Variants in EDDM13 observed in about 807,000 individuals in gnomAD.
EDDM13 encodes epididymal protein 13.
In EDDM13, 24 loss-of-function variants were observed where a neutral mutation model predicts 17.8. The observed-to-expected ratio is 1.35, with a 90% CI of 0.98 to 1.90. The LOEUF (loss-of-function observed/expected upper bound fraction) is 1.90. Among genes scored for constraint, EDDM13 ranks in the 40% most tolerant of loss-of-function variants. EDDM13 has a pLI of 0.00. For missense variants in EDDM13, 97 were observed against 100.8 expected, an observed-to-expected ratio of 0.96 and a Z score of 0.16; for synonymous variants, 31 against 37.5, an observed-to-expected ratio of 0.83 and a Z score of 0.63.
At chr19:56,293,816 T>A (rs565701475) in intron 9 of EDDM13, among the ~76,000 whole-genome samples, 1 of 152,094 alleles carries the variant, frequency 6.6e-6, no homozygotes, top group African/African-American at 2.4e-5. Context: ...GAGATGTTGC[T>A]ACACATCCTA....
intron 5 of EDDM13, among the ~76,000 whole-genome samples, chr19:56,284,600 T>C (rs2038967481): frequency 6.8e-6 from 1 of 147,912 alleles, no homozygotes; most frequent in Non-Finnish European, 1.5e-5. Flanking sequence ...CTGCAGCCTC[T>C]GCCTCCCGGG....
At chr19:56,281,320 T>C (rs2038683087) in intron 2 of EDDM13, among the ~76,000 whole-genome samples, 1 of 151,748 alleles carries the variant, frequency 6.6e-6, no homozygotes, top group South Asian at 2.1e-4. Flanking sequence ...TGTAACCATG[T>C]AGTTCAAACC....
intron 5 of EDDM13, 137 bp downstream of exon 5, chr19:56,284,343 A>G (rs1413106943): frequency 4.7e-6 from 1 of 211,284 alleles, no homozygotes; most frequent in Non-Finnish European, 8.2e-6. Flanking sequence ...ATATGGTGCA[A>G]GGATTTTGTG....
chr19:56,285,846 T>A (rs1288309852), intron 6 of EDDM13, among the ~76,000 whole-genome samples: 1 of 152,176 alleles, frequency 6.6e-6, no homozygotes, highest in Non-Finnish European at 1.5e-5. Context: ...TATCCAGTCA[T>A]TGCTTTTTTA....
In EDDM13 at chr19:56,282,151, C is replaced by T. The variant is rs553645853; in HGVS notation, c.110-340C>T. Among the ~76,000 whole-genome samples the T allele has an allele frequency of 1.1e-3, 173 of 152,206 alleles. 1 individual carries two copies. Among genetic ancestry groups the T allele is most frequent in the African/African-American group, 3.7e-3 (155 of 41,520 alleles). ...CGTCTTCCTTTCCCAGAATTAACAT[C>T]CAGTCTCCGGTTGAGAAGTGGAGAT... is the stretch of plus-strand genomic sequence containing the variant. On this transcript the variant is annotated intron_variant, in intron 3 of 14. Transcript: ENST00000649256.
intron 2 of EDDM13, among the ~76,000 whole-genome samples, chr19:56,279,557 CG>C (rs1411213803): frequency 6.6e-6 from 1 of 152,170 alleles, no homozygotes; most frequent in Admixed American, 6.5e-5. Flanking sequence ...TTTTCAAAAT[CG>C]TAAGTGTCCC....
chr19:56,282,299 AG>A (rs1406251049), intron 3 of EDDM13, among the ~76,000 whole-genome samples, 191 bp from the exon 4 acceptor site: 2 of 152,180 alleles, frequency 1.3e-5, no homozygotes, highest in Non-Finnish European at 2.9e-5. Flanking sequence ...GTGCCTCCAA[AG>A]GGGTCCAATG....
At chr19:56,288,227 C>T (rs1287038897) in intron 6 of EDDM13, among the ~76,000 whole-genome samples, 158 bp from the exon 7 acceptor site, 2 of 152,204 alleles carry the variant, frequency 1.3e-5, no homozygotes, top group African/African-American at 4.8e-5. Context: ...ACCATGATCA[C>T]CTACCATCAT....
intron 6 of EDDM13, among the ~76,000 whole-genome samples, chr19:56,287,404 GC>G (rs2039205842): frequency 6.6e-6 from 1 of 151,814 alleles, no homozygotes; most frequent in Admixed American, 6.6e-5. Flanking sequence ...TTCCCTTCCC[GC>G]CTCTCCTCCC....
intron 2 of EDDM13, among the ~76,000 whole-genome samples, chr19:56,281,009 G>A (rs1028493471): frequency 3.9e-5 from 6 of 152,118 alleles, no homozygotes; most frequent in African/African-American, 1.2e-4. Flanking sequence ...ACTTAACTAC[G>A]AATAGCCTAC....
chr19:56,291,075 G>A (rs2039478409), intron 9 of EDDM13, among the ~76,000 whole-genome samples: 1 of 152,186 alleles, frequency 6.6e-6, no homozygotes, highest in South Asian at 2.1e-4. Context: ...GGTGGGTCTG[G>A]GGCTACATGC....
intron 14 of EDDM13, among the ~76,000 whole-genome samples, chr19:56,308,270 G>A (rs1317297866): frequency 6.6e-6 from 1 of 151,848 alleles, no homozygotes; most frequent in Non-Finnish European, 1.5e-5. Context: ...TTGACCTTGT[G>A]ATCCGCCCGC....
At chr19:56,278,624 A>G (rs187540998) in intron 2 of EDDM13, among the ~76,000 whole-genome samples, 70 of 152,280 alleles carry the variant, frequency 4.6e-4, no homozygotes, top group Non-Finnish European at 7.2e-4. Context: ...TTCTTAGGGG[A>G]ATTAGCTCAC....
At chr19:56,305,451 T>C (rs1435703338) in intron 14 of EDDM13, among the ~76,000 whole-genome samples, 3 of 152,242 alleles carry the variant, frequency 2.0e-5, no homozygotes, top group Non-Finnish European at 2.9e-5. Context: ...CTCCACGGCA[T>C]GGACATAGCA....
chr19:56,302,605 TCCTCTCCCTCTTCCTC>T (rs1568726872), intron 13 of EDDM13, among the ~76,000 whole-genome samples: 4 of 80,938 alleles, frequency 4.9e-5, no homozygotes, highest in Non-Finnish European at 9.4e-5. Context: ...TCCCTCTTCT[TCCTCTCCCTCTTCCTC>T]CCTCCCTCCT....
chr19:56,278,283 GCCA>G (rs1361615973), intron 2 of EDDM13, among the ~76,000 whole-genome samples: 2 of 152,152 alleles, frequency 1.3e-5, no homozygotes, highest in African/African-American at 4.8e-5. Flanking sequence ...ATAGGTGCAT[GCCA>G]CCATGCCTGG....
At chr19:56,279,062 G>T (rs1303409870) in intron 2 of EDDM13, among the ~76,000 whole-genome samples, 1 of 152,120 alleles carries the variant, frequency 6.6e-6, no homozygotes, top group African/African-American at 2.4e-5. Flanking sequence ...AACCACTCAG[G>T]CTTCCCTTTC....
chr19:56,307,367 C>A (rs1446488169), intron 14 of EDDM13, among the ~76,000 whole-genome samples: 2 of 152,210 alleles, frequency 1.3e-5, no homozygotes, highest in African/African-American at 2.4e-5. Context: ...TGATGAGTGT[C>A]TTTCAAACTT....
Position 56,278,948 on chromosome 19 carries a change from G to C in EDDM13, c.104-2745G>C, listed in dbSNP as rs933396969. ...ACTGGATGGTGCTCACCCACCGTGA[G>C]GGTGGATCTTCCCTACCTAGTCTTC... On this transcript the variant is annotated intron_variant, in intron 2 of 14. Coordinates refer to ENST00000649256, the MANE Select transcript of EDDM13 (RefSeq NM_001354658.2). 5.1e-4 allele frequency among the ~76,000 whole-genome samples: 77 copies of C among 152,178 alleles called. 1 individual carries two copies. Among genetic ancestry groups the C allele is most frequent in the Non-Finnish European group, 2.9e-5 (2 of 68,032 alleles).
Sources: gnomAD v4.1 joint callset for allele counts (sites outside exome capture counted in the v4.1 genomes callset) on GRCh38, gnomAD v4.1.1 for gene constraint, MANE v1.5 for transcripts, NCBI Gene and HGNC (gene_info 2026-07-23, HGNC 2026-07-21) for gene names.